Variants in DCT observed in about 807,000 individuals in gnomAD.
The protein encoded by DCT is dopachrome tautomerase.
DCT carries 47 observed loss-of-function variants against 53.0 expected under a neutral mutation model. That is an observed-to-expected ratio of 0.89 (90% CI 0.70 to 1.13). The LOEUF is 1.13. Among genes scored for constraint, DCT ranks in the 50% most tolerant of loss-of-function variants. DCT has a pLI of 0.00. For synonymous variants in DCT, 244 were observed against 237.0 expected (o/e 1.03, Z -0.27); for missense variants, 669 against 637.4 (o/e 1.05, Z -0.53).
At chr13:94,452,912 A>G (rs1162296347) in intron 6 of DCT, among the ~76,000 whole-genome samples, 1 of 152,176 alleles carries the variant, frequency 6.6e-6, no homozygotes, top group Non-Finnish European at 1.5e-5. Flanking sequence ...TATAAAATAT[A>G]TCTGGAAAAT....
At chr13:94,491,299 T>C in the DCT span, among the ~76,000 whole-genome samples, 1 of 152,294 alleles carries the variant, frequency 6.6e-6, no homozygotes, top group South Asian at 2.1e-4. Context: ...TTCTGGTAGT[T>C]TCTTGGCTTG....
the DCT span, among the ~76,000 whole-genome samples, chr13:94,541,011 A>T: frequency 6.6e-6 from 1 of 152,232 alleles, no homozygotes; most frequent in African/African-American, 2.4e-5. Flanking sequence ...ACTGCAGGAC[A>T]TTATGTTAAG....
rs1297507278 is a variant in DCT, at chr13:94,465,677, A to C, written c.819T>G (p.Ile273Met). The C allele has an allele frequency of 1.2e-6, 2 of 1,613,622 alleles. No individual in the cohort carries two copies. Among genetic ancestry groups the C allele is most frequent in the Non-Finnish European group, 8.5e-7 (1 of 1,179,842 alleles). Reference protein sequence around the residue: ...GAARPDDPTLISRNSRFSSWE... With the variant: ...GAARPDDPTLMSRNSRFSSWE... The stretch of plus-strand genomic sequence containing the variant: ...AGCTGGAGAATCTTGAGTTCCGACT[A>C]ATCAGAGTCGGATCGTCTGGTCTCG... The change falls in exon 4 of 8, where the codon ATT becomes ATG. Residue 273 changes from isoleucine (I) to methionine (M), a missense_variant. Physicochemically the swap from Ile to Met is conservative, Grantham distance 10 (BLOSUM62 1). Coordinates refer to ENST00000377028, the MANE Select transcript of DCT (RefSeq NM_001922.5).
intron 6 of DCT, among the ~76,000 whole-genome samples, chr13:94,459,365 T>C (rs1883625455): frequency 6.6e-6 from 1 of 152,212 alleles, no homozygotes; most frequent in African/African-American, 2.4e-5. Context: ...ATGTGAGTTT[T>C]TGTATTAATG....
In DCT at chr13:94,443,482, A is replaced by C; in HGVS notation, c.1335T>G (p.Phe445Leu). The change falls in exon 7 of 8, where the codon TTT becomes TTG. Residue 445 changes from phenylalanine (F) to leucine (L), a missense_variant. By Grantham distance (22) the Phe-to-Leu change is conservative (BLOSUM62 0). Transcript: ENST00000377028. ...FFPPVTNEELFLTSDQLGYSY... is the reference protein window; with the variant it reads ...FFPPVTNEELLLTSDQLGYSY... ...TGTAGCCAAGTTGGTCTGAGGTTAA[A>C]AAGAGTTCTTCATTAGTCACTGGAG... The C allele has an allele frequency of 6.2e-7, 1 of 1,614,128 alleles. No individual in the cohort carries two copies. The highest frequency in any genetic ancestry group is 8.5e-7 in the Non-Finnish European group (1 of 1,179,984).
intron 4 of DCT, among the ~76,000 whole-genome samples, chr13:94,463,082 G>A (rs1255536397): frequency 6.6e-6 from 1 of 152,116 alleles, no homozygotes; most frequent in Non-Finnish European, 1.5e-5. Flanking sequence ...CTACACGCCT[G>A]CTATGGCCTG....
At chr13:94,477,532 T>C (rs1885173975) in intron 1 of DCT, among the ~76,000 whole-genome samples, 1 of 152,228 alleles carries the variant, frequency 6.6e-6, no homozygotes, top group Non-Finnish European at 1.5e-5. Flanking sequence ...AACTACCCAC[T>C]GGGTGCTTCG....
At chr13:94,458,554 AG>A (rs1320520120) in intron 6 of DCT, among the ~76,000 whole-genome samples, 2 of 152,132 alleles carry the variant, frequency 1.3e-5, no homozygotes, top group African/African-American at 4.8e-5. Context: ...CTGTAATCCC[AG>A]GACTTTGGGA....
In DCT at chr13:94,437,570, A is replaced by G. The variant is rs1881978375; in HGVS notation, c.*2328T>C. Reference sequence around the variant, plus strand: ...CAGTTTTTCTAATACTGAAGATATAAGCAGTAAAGTGATCTGGTCATTTTC... The same window carrying G: ...CAGTTTTTCTAATACTGAAGATATAGGCAGTAAAGTGATCTGGTCATTTTC... On this transcript the variant is annotated 3_prime_UTR_variant, in exon 8 of 8. Transcript: ENST00000377028. 6.6e-6 allele frequency: 1 copy of G among 152,222 alleles called. No individual in the cohort carries two copies. Among genetic ancestry groups the G allele is most frequent in the African/African-American group, 2.4e-5 (1 of 41,468 alleles). The allele number at this position is 152,222 out of a possible 1,614,324, so 9.4% of individuals were successfully genotyped here. A position where few individuals can be genotyped will look rare whatever the true frequency, so the allele number is the denominator to read the frequency against.
upstream of DCT, among the ~76,000 whole-genome samples, chr13:94,482,419 C>G (rs538633224): frequency 1.3e-5 from 2 of 152,202 alleles, no homozygotes; most frequent in African/African-American, 4.8e-5. Flanking sequence ...TAATCTTGCT[C>G]AGAGCCCTCA....
At chr13:94,542,718 T>C in the DCT span, among the ~76,000 whole-genome samples, 2 of 152,198 alleles carry the variant, frequency 1.3e-5, no homozygotes, top group Non-Finnish European at 2.9e-5. Context: ...ACCAGCTCTG[T>C]GAAAAGCATT....
the DCT span, among the ~76,000 whole-genome samples, chr13:94,488,903 C>A: frequency 6.6e-6 from 1 of 151,330 alleles, no homozygotes; most frequent in African/African-American, 2.4e-5. Context: ...TATATATAGT[C>A]AAGAGAAAAA....
rs1456361823 is a variant in DCT, at chr13:94,438,564, G to C, written c.*1334C>G. The C allele has an allele frequency of 4.4e-6, 2 of 455,498 alleles. No individual in the cohort carries two copies. The highest frequency in any genetic ancestry group is 4.0e-5 in the African/African-American group (2 of 49,994). The allele number at this position is 455,498 out of a possible 1,614,324, so 28.2% of individuals were successfully genotyped here. Reference sequence around the variant, plus strand: ...ATTCATTCCAGTAGAGAGGGGCCTCGACAGACAAGCCACGCCCTAGAACTT... The same window carrying C: ...ATTCATTCCAGTAGAGAGGGGCCTCCACAGACAAGCCACGCCCTAGAACTT... On this transcript the variant is annotated 3_prime_UTR_variant, in exon 8 of 8. Transcript: ENST00000377028.
Position 94,439,570 on chromosome 13 carries a change from AT to A in DCT, c.*327del, listed in dbSNP as rs1055881464. On this transcript the variant is annotated 3_prime_UTR_variant, in exon 8 of 8. Coordinates refer to ENST00000377028, the MANE Select transcript of DCT (RefSeq NM_001922.5). ...GACTCCCCTGGATCAATGTTTTGGG[AT>A]TTTTTTTGTTTTTTTTTAAATGCTT... 2 of 53,018 alleles carry A rather than the reference AT, an allele frequency of 3.8e-5. No individual in the cohort carries two copies. The highest frequency in any genetic ancestry group is 1.7e-4 in the African/African-American group (1 of 5,972). The allele number at this position is 53,018 out of a possible 1,614,324, so 3.3% of individuals were successfully genotyped here.
chr13:94,496,124 G>A, the DCT span, among the ~76,000 whole-genome samples: 45,688 of 152,078 alleles, frequency 0.3, 7,099 homozygotes, highest in Non-Finnish European at 0.35. Flanking sequence ...TATAAAGTGT[G>A]ATCCAGCTTA....
At chr13:94,514,092 G>T in the DCT span, among the ~76,000 whole-genome samples, 3 of 151,788 alleles carry the variant, frequency 2.0e-5, no homozygotes, top group Non-Finnish European at 1.5e-5. Flanking sequence ...CTGAGACTAG[G>T]ATCATGGGCT....
At chr13:94,452,727 G>A (rs994786905) in intron 6 of DCT, 5 of 651,360 alleles carry the variant, frequency 7.7e-6, no homozygotes, top group East Asian at 2.9e-5. Context: ...ATACATTTCA[G>A]GATAAATCCA....
At chr13:94,501,904 T>C in the DCT span, among the ~76,000 whole-genome samples, 1 of 152,194 alleles carries the variant, frequency 6.6e-6, no homozygotes, top group African/African-American at 2.4e-5. Context: ...CAGCCCAAAG[T>C]TCGCTATCTT....
At chr13:94,499,447 G>A in the DCT span, among the ~76,000 whole-genome samples, 1 of 151,794 alleles carries the variant, frequency 6.6e-6, no homozygotes, top group Non-Finnish European at 1.5e-5. Flanking sequence ...AAGGACCAAA[G>A]GAGTGTGCAT....
Sources: gnomAD v4.1 joint callset for allele counts (sites outside exome capture counted in the v4.1 genomes callset) on GRCh38, gnomAD v4.1.1 for gene constraint, MANE v1.5 for transcripts, NCBI Gene and HGNC (gene_info 2026-07-23, HGNC 2026-07-21) for gene names.